The following SYNJ2BP variants were observed in gnomAD, a reference collection of about 807,000 sequenced individuals.
The protein encoded by SYNJ2BP is synaptojanin 2 binding protein.
In SYNJ2BP, 10 loss-of-function variants were observed where a neutral mutation model predicts 16.9. The observed-to-expected ratio is 0.59, with a 90% CI of 0.36 to 1.00. SYNJ2BP has a LOEUF of 1.00. Among genes scored for constraint, SYNJ2BP ranks in the 50% least tolerant of loss-of-function variants. The pLI, the probability that SYNJ2BP is intolerant of heterozygous loss-of-function variation, is 0.01. For synonymous variants in SYNJ2BP, 54 were observed against 68.4 expected, an observed-to-expected ratio of 0.79 and a Z score of 1.04; for missense variants, 162 against 186.7, an observed-to-expected ratio of 0.87 and a Z score of 0.77.
At chr14:70,402,911 C>A (rs1234994509) in intron 1 of SYNJ2BP, among the ~76,000 whole-genome samples, 1 of 152,172 alleles carries the variant, frequency 6.6e-6, no homozygotes, top group African/African-American at 2.4e-5. Context: ...TTTGTAAGGA[C>A]ATGCCCCTAT....
chr14:70,379,456 C>T (rs1189263408), intron 2 of SYNJ2BP, among the ~76,000 whole-genome samples: 1 of 152,110 alleles, frequency 6.6e-6, no homozygotes, highest in Non-Finnish European at 1.5e-5. Context: ...TATTTTTTAC[C>T]TTTATACCTG....
intron 1 of SYNJ2BP, among the ~76,000 whole-genome samples, chr14:70,416,259 A>C (rs771701147): frequency 5.3e-5 from 8 of 152,210 alleles, no homozygotes; most frequent in African/African-American, 1.9e-4. Flanking sequence ...TAAATAAAAT[A>C]AATCTGTATT....
chr14:70,373,965 G>A (rs1887571607), intron 3 of SYNJ2BP, among the ~76,000 whole-genome samples: 2 of 152,280 alleles, frequency 1.3e-5, no homozygotes, highest in Admixed American at 6.5e-5. Context: ...AGGCAAGACT[G>A]CATGAAATAC....
intron 2 of SYNJ2BP, among the ~76,000 whole-genome samples, chr14:70,380,286 A>G (rs1594943679): frequency 6.6e-6 from 1 of 152,324 alleles, no homozygotes; most frequent in South Asian, 2.1e-4. Context: ...GCAACATATT[A>G]CTGCCTATCA....
rs543793364 is a variant in SYNJ2BP at position 70,396,121 on chromosome 14, CTTTT to C, written c.65-7519_65-7516del. Among the ~76,000 whole-genome samples the C allele has an allele frequency of 9.9e-3, 1,506 of 152,048 alleles. 13 individuals carry two copies. Among genetic ancestry groups the C allele is most frequent in the Non-Finnish European group, 0.014 (947 of 67,952 alleles). On this transcript the variant is annotated intron_variant, in intron 1 of 3. Transcript: ENST00000256366. ...CTGTTTTGAGTTCCTTCCTGCAATT[CTTTT>C]TTTTATTTTTTGAGATGGAGTCTTG...
At position 70,370,057 on chromosome 14, in the gene SYNJ2BP, T is replaced by C. The variant is rs190423669; in HGVS notation, c.*2934A>G. The C allele has an allele frequency of 7.7e-4, 117 of 152,346 alleles. No individual in the cohort carries two copies. The highest frequency in any genetic ancestry group is 2.6e-3 in the African/African-American group (109 of 41,594). 9.4% of individuals were successfully genotyped at this position (152,346 alleles called of 1,614,324 possible). On this transcript the variant is annotated 3_prime_UTR_variant, in exon 4 of 4. Transcript: ENST00000256366. ...TGTACCTGCTTAAAACTGTATTACA[T>C]TGATCTTCAATGCTACTTAATTTCT...
chr14:70,376,384 C>T (rs1279920023), intron 2 of SYNJ2BP, among the ~76,000 whole-genome samples: 3 of 152,058 alleles, frequency 2.0e-5, no homozygotes, highest in Non-Finnish European at 4.4e-5. Context: ...GATATAAATC[C>T]TTAAAAAAAT....
At chr14:70,399,024 A>AC (rs1449503581) in intron 1 of SYNJ2BP, among the ~76,000 whole-genome samples, 3 of 151,780 alleles carry the variant, frequency 2.0e-5, no homozygotes, top group Non-Finnish European at 4.4e-5. Flanking sequence ...TGCAGGGTGG[A>AC]CCCCGGGGAT....
chr14:70,396,870 T>C (rs1415877757), intron 1 of SYNJ2BP, among the ~76,000 whole-genome samples: 3 of 152,208 alleles, frequency 2.0e-5, no homozygotes, highest in Non-Finnish European at 4.4e-5. Context: ...AAGTTCTTTA[T>C]ATATGCTGGA....
chr14:70,391,273 C>A (rs1262744778), intron 1 of SYNJ2BP, among the ~76,000 whole-genome samples: 1 of 152,228 alleles, frequency 6.6e-6, no homozygotes, highest in East Asian at 1.9e-4. Flanking sequence ...CATAGCAAGA[C>A]CCTATTCTCT....
chr14:70,387,319 G>T (rs1887880494), intron 2 of SYNJ2BP, among the ~76,000 whole-genome samples: 1 of 152,186 alleles, frequency 6.6e-6, no homozygotes, highest in Non-Finnish European at 1.5e-5. Flanking sequence ...AGTATCATAG[G>T]ATTACTGTGG....
At chr14:70,415,066 T>G (rs368001289) in intron 1 of SYNJ2BP, among the ~76,000 whole-genome samples, 8 of 152,080 alleles carry the variant, frequency 5.3e-5, no homozygotes, top group African/African-American at 1.9e-4. Context: ...AGGCCAGGCA[T>G]GATGGCTCAT....
At chr14:70,407,049 A>G (rs1166150341) in intron 1 of SYNJ2BP, among the ~76,000 whole-genome samples, 12 of 152,222 alleles carry the variant, frequency 7.9e-5, no homozygotes, top group Admixed American at 7.2e-4. Flanking sequence ...GTGATTATGT[A>G]CAAAAATGCA....
intron 1 of SYNJ2BP, among the ~76,000 whole-genome samples, chr14:70,402,460 G>A (rs1041875673): frequency 3.3e-5 from 5 of 152,116 alleles, no homozygotes; most frequent in African/African-American, 7.2e-5. Flanking sequence ...CAAGATTCAC[G>A]TAAAAGTGGT....
chr14:70,405,265 A>C (rs1249995712), intron 1 of SYNJ2BP, among the ~76,000 whole-genome samples: 1 of 152,156 alleles, frequency 6.6e-6, no homozygotes, highest in Non-Finnish European at 1.5e-5. Flanking sequence ...CTACGGAAAA[A>C]AATAAATGAA....
At chr14:70,374,891 TAA>T (rs1231614217) in intron 3 of SYNJ2BP, among the ~76,000 whole-genome samples, 1 of 152,006 alleles carries the variant, frequency 6.6e-6, no homozygotes, top group Non-Finnish European at 1.5e-5. Flanking sequence ...TCTTTTTAAT[TAA>T]TTAATTTATT....
intron 2 of SYNJ2BP, among the ~76,000 whole-genome samples, chr14:70,385,578 G>T (rs1206695991): frequency 6.6e-6 from 1 of 151,470 alleles, no homozygotes; most frequent in Non-Finnish European, 1.5e-5. Context: ...ACGGGGTTTT[G>T]CCATGTTGGC....
chr14:70,410,738 A>T (rs984093038), intron 1 of SYNJ2BP, among the ~76,000 whole-genome samples: 2 of 152,218 alleles, frequency 1.3e-5, no homozygotes, highest in African/African-American at 2.4e-5. Flanking sequence ...GCTGGAGGCC[A>T]TTATCCTTAG....
Position 70,417,031 on chromosome 14 carries a change from C to G in SYNJ2BP, c.-68G>C. The stretch of plus-strand genomic sequence containing the variant: ...GCAGCACAGGTGAAGGTGAATCAAT[C>G]TCGGCGCTGCGCCCACAGCACAGCG... On this transcript the variant is annotated 5_prime_UTR_variant, in exon 1 of 4. Coordinates refer to ENST00000256366, the MANE Select transcript of SYNJ2BP (RefSeq NM_018373.3). The G allele has an allele frequency of 2.5e-6, 4 of 1,611,686 alleles. No homozygotes were observed. Among genetic ancestry groups the G allele is most frequent in the Non-Finnish European group, 2.5e-6 (3 of 1,178,796 alleles).
Sources: gnomAD v4.1 joint callset for allele counts (sites outside exome capture counted in the v4.1 genomes callset) on GRCh38, gnomAD v4.1.1 for gene constraint, MANE v1.5 for transcripts, NCBI Gene and HGNC (gene_info 2026-07-23, HGNC 2026-07-21) for gene names.